The following AGBL1 variants were observed in gnomAD, a reference collection of about 807,000 sequenced individuals.
AGBL1 encodes the protein cytosolic carboxypeptidase 4.
A neutral mutation model predicts 118.9 loss-of-function variants in AGBL1; 130 were observed. The observed-to-expected ratio is 1.09, with a 90% CI of 0.95 to 1.26. The LOEUF is 1.26. Among genes scored for constraint, AGBL1 ranks in the 50% most tolerant of loss-of-function variants. The pLI is 0.00. For synonymous variants in AGBL1, 555 were observed against 478.9 expected (o/e 1.16, Z -2.08); for missense variants, 1,584 against 1,298.1 (o/e 1.22, Z -3.38).
intron 18 of AGBL1, among the ~76,000 whole-genome samples, chr15:86,406,280 C>T (rs1328168969): frequency 2.0e-5 from 3 of 152,190 alleles, no homozygotes; most frequent in African/African-American, 4.8e-5. Flanking sequence ...TCAAGGGCAT[C>T]TGAGCACTGT....
At chr15:86,137,490 G>T (rs1471589461) in intron 1 of AGBL1, among the ~76,000 whole-genome samples, 1 of 152,102 alleles carries the variant, frequency 6.6e-6, no homozygotes, top group East Asian at 1.9e-4. Flanking sequence ...CCCACATGTG[G>T]GGGGCTCCTT....
chr15:86,295,479 G>C (rs2079620665), intron 17 of AGBL1, 71 bp downstream of exon 17: 3 of 1,442,908 alleles, frequency 2.1e-6, no homozygotes, highest in Non-Finnish European at 2.8e-6. Flanking sequence ...GAAGCATTCT[G>C]TCTCTTTTAG....
At chr15:87,027,486 A>G (rs1356451097) in intron 24 of AGBL1, among the ~76,000 whole-genome samples, 1 of 149,906 alleles carries the variant, frequency 6.7e-6, no homozygotes, top group Non-Finnish European at 1.5e-5. Flanking sequence ...TACATTATAT[A>G]GATGTATTAT....
At chr15:86,497,638 G>A (rs1275967368) in intron 18 of AGBL1, among the ~76,000 whole-genome samples, 1 of 151,880 alleles carries the variant, frequency 6.6e-6, no homozygotes, top group Non-Finnish European at 1.5e-5. Context: ...CCCATTTTCT[G>A]AACTGGAGTG....
chr15:86,281,534 T>A (rs768188666), intron 16 of AGBL1, among the ~76,000 whole-genome samples: 1 of 152,212 alleles, frequency 6.6e-6, no homozygotes, highest in Non-Finnish European at 1.5e-5. Context: ...TTAGAATATC[T>A]TGGACTCTGA....
rs369035371 is a variant in AGBL1, at chr15:86,238,096, C to G, written c.527-9575C>G. 9.2e-5 allele frequency among the ~76,000 whole-genome samples: 14 copies of G among 152,194 alleles called. No individual in the cohort carries two copies. In the East Asian group the frequency reaches 1.2e-3, roughly 13 times the overall value. ...CAAGGGTCTTCCCTGATCATCCAAC[C>G]TAAAGCAGCCACCCTACCTCATCAC... On this transcript the variant is annotated intron_variant, in intron 6 of 22. Transcript: ENST00000614907.
intron 16 of AGBL1, 119 bp downstream of exon 16, chr15:86,279,902 T>C: frequency 1.5e-6 from 2 of 1,318,058 alleles, no homozygotes; most frequent in South Asian, 2.8e-5. Context: ...GTAGGGGAAC[T>C]ACAGCCTTCC....
At chr15:86,764,211 G>A (rs1416411618) in intron 22 of AGBL1, among the ~76,000 whole-genome samples, 1 of 151,986 alleles carries the variant, frequency 6.6e-6, no homozygotes, top group Non-Finnish European at 1.5e-5. Context: ...AAACAAACCA[G>A]GGATTGAAGG....
chr15:86,213,878 C>T (rs2078142411), intron 5 of AGBL1, among the ~76,000 whole-genome samples: 1 of 151,950 alleles, frequency 6.6e-6, no homozygotes, highest in African/African-American at 2.4e-5. Context: ...TTGTTGTTAC[C>T]CCCTAAATTC....
At chr15:86,516,088 A>C (rs999107680) in intron 18 of AGBL1, among the ~76,000 whole-genome samples, 1 of 152,170 alleles carries the variant, frequency 6.6e-6, no homozygotes, top group East Asian at 1.9e-4. Flanking sequence ...CTGAATACAC[A>C]AGTTCCATGT....
At chr15:86,406,360 G>A (rs918552835) in intron 18 of AGBL1, among the ~76,000 whole-genome samples, 9 of 152,184 alleles carry the variant, frequency 5.9e-5, no homozygotes, top group African/African-American at 2.2e-4. Flanking sequence ...TCAACATGCC[G>A]TAGTATGGTT....
chr15:86,105,137 G>C (rs1896977997), intron 1 of AGBL1: 1 of 152,138 alleles, frequency 6.6e-6, no homozygotes, highest in Non-Finnish European at 1.5e-5. Flanking sequence ...TGCTATTTTG[G>C]TTCTTCTTTG....
rs541227938 is a variant in AGBL1 at position 86,592,471 on chromosome 15, A to G, written c.2994+37934A>G. Reference sequence around the variant, plus strand: ...GTTTGGCCCTTAACTTGTTTTGTACATTGGCATGGTTCCAGAGTTTCCATT... The same window carrying G: ...GTTTGGCCCTTAACTTGTTTTGTACGTTGGCATGGTTCCAGAGTTTCCATT... On this transcript the variant is annotated intron_variant, in intron 21 of 22. Coordinates refer to ENST00000614907, the MANE Select transcript of AGBL1 (RefSeq NM_001386094.1). Among the ~76,000 whole-genome samples, 4 of 152,302 alleles carry G rather than the reference A, an allele frequency of 2.6e-5. No homozygotes were observed. In the East Asian group the frequency reaches 7.7e-4, roughly 29 times the overall value.
At chr15:86,555,021 A>C (rs1484038011) in intron 21 of AGBL1, among the ~76,000 whole-genome samples, 2 of 152,188 alleles carry the variant, frequency 1.3e-5, no homozygotes, top group African/African-American at 2.4e-5. Context: ...TCCAGAGCAC[A>C]CAAAAGTGTG....
intron 18 of AGBL1, among the ~76,000 whole-genome samples, chr15:86,496,310 C>A (rs987248744): frequency 4.6e-5 from 7 of 152,056 alleles, no homozygotes; most frequent in African/African-American, 1.2e-4. Context: ...TTCCTGAGGC[C>A]TCCTCAGCCA....
chr15:86,369,213 A>T (rs1217140805), intron 17 of AGBL1, among the ~76,000 whole-genome samples: 2 of 152,226 alleles, frequency 1.3e-5, no homozygotes, highest in Non-Finnish European at 1.5e-5. Context: ...GAAATTACAG[A>T]AAGGACTGGC....
rs148337634 is a variant in AGBL1, at chr15:86,691,216, G to C, written c.3158+16780G>C. On this transcript the variant is annotated intron_variant, in intron 22 of 22. Coordinates refer to ENST00000614907, the MANE Select transcript of AGBL1 (RefSeq NM_001386094.1). ...CCTTATAAGGCAAATGAACATTTTG[G>C]CTAAAGTTTGCAAGCAAAACACAAG... 1.6e-3 allele frequency among the ~76,000 whole-genome samples: 246 copies of C among 152,136 alleles called. 1 individual carries two copies. The highest frequency in any genetic ancestry group is 5.8e-3 in the African/African-American group (239 of 41,536).
intron 22 of AGBL1, among the ~76,000 whole-genome samples, chr15:86,734,674 G>A (rs1426105881): frequency 1.3e-5 from 2 of 152,132 alleles, no homozygotes; most frequent in Admixed American, 6.6e-5. Context: ...TTGCGACAAA[G>A]CAATGAAGTG....
At chr15:86,859,717 T>C (rs2079534969) in intron 22 of AGBL1, among the ~76,000 whole-genome samples, 1 of 152,096 alleles carries the variant, frequency 6.6e-6, no homozygotes, top group Non-Finnish European at 1.5e-5. Context: ...AGAGAGTACA[T>C]AAGAAGTGTT....
Sources: allele counts gnomAD v4.1 joint callset (sites outside exome capture counted in the v4.1 genomes callset), GRCh38; gene constraint gnomAD v4.1.1; transcripts MANE v1.5; gene names NCBI Gene and HGNC (gene_info 2026-07-23, HGNC 2026-07-21).